The following FBN3 variants were observed in gnomAD, a reference collection of about 807,000 sequenced individuals.
FBN3 encodes the protein fibrillin 3, also known as fibrillin-3.
In FBN3, 234 loss-of-function variants were observed where a neutral mutation model predicts 330.1. The observed-to-expected ratio is 0.71, with a 90% CI of 0.64 to 0.79. The LOEUF is 0.79. FBN3 is among the 30% of genes least tolerant of loss of function. FBN3 has a pLI of 0.00. For missense variants in FBN3, 3,606 were observed against 3,886.9 expected (o/e 0.93, Z 1.92); for synonymous variants, 1,458 against 1,517.3 (o/e 0.96, Z 0.91).
intron 38 of FBN3, among the ~76,000 whole-genome samples, 162 bp downstream of exon 38, chr19:8,105,946 A>C (rs1001004204): frequency 9.9e-5 from 15 of 152,216 alleles, no homozygotes; most frequent in Non-Finnish European, 1.6e-4. Flanking sequence ...AACATCTTAA[A>C]GGCAGCAAGA....
intron 63 of FBN3, among the ~76,000 whole-genome samples, chr19:8,071,614 C>T (rs2081513030): frequency 6.9e-6 from 1 of 145,796 alleles, no homozygotes; most frequent in Non-Finnish European, 1.6e-5. Context: ...CTTAGGGCCC[C>T]ATTGGAACTA....
Position 8,084,054 on chromosome 19 carries a change from A to G in FBN3, c.7088-682T>C, listed in dbSNP as rs546825585. Among the ~76,000 whole-genome samples the G allele has an allele frequency of 2.1e-3, 319 of 151,810 alleles. 2 individuals are homozygous for G. The highest frequency in any genetic ancestry group is 0.017 in the Middle Eastern group (5 of 292). ...CCTGACCTCGTGATCTGCCCGCCTC[A>G]GCCTCCCAAAGTGCTGGGATTACAG... On this transcript the variant is annotated intron_variant, in intron 56 of 63. Coordinates refer to ENST00000600128, the MANE Select transcript of FBN3 (RefSeq NM_032447.5).
At chr19:8,079,948 G>T (rs2081736627) in intron 59 of FBN3, among the ~76,000 whole-genome samples, 1 of 152,104 alleles carries the variant, frequency 6.6e-6, no homozygotes, top group Admixed American at 6.6e-5. Context: ...GTGCTAGAAG[G>T]AAAGTTCCAT....
intron 47 of FBN3, among the ~76,000 whole-genome samples, chr19:8,092,231 C>T (rs1017589889): frequency 7.2e-5 from 11 of 151,792 alleles, no homozygotes; most frequent in African/African-American, 2.7e-4. Context: ...TCCAGCAATC[C>T]TACTACTGGG....
chr19:8,127,267 G>GC (rs1448203862), intron 18 of FBN3, among the ~76,000 whole-genome samples: 1 of 151,802 alleles, frequency 6.6e-6, no homozygotes, highest in Non-Finnish European at 1.5e-5. Context: ...CATGATGTTG[G>GC]CCAGGCTGGT....
intron 38 of FBN3, among the ~76,000 whole-genome samples, chr19:8,105,424 T>A (rs8100537): frequency 0.98 from 148,986 of 152,108 alleles, 73,033 homozygotes; most frequent in Middle Eastern, 1. Context: ...TGCCCAGCTA[T>A]TTTTTTAATT....
chr19:8,069,472 C>T (rs148623232), intron 63 of FBN3, among the ~76,000 whole-genome samples: 136 of 143,678 alleles, frequency 9.5e-4, no homozygotes, highest in African/African-American at 3.5e-3. Flanking sequence ...AAAGTTATTC[C>T]TGTTCCCCAG....
chr19:8,070,744 T>G (rs1417863004), intron 63 of FBN3, among the ~76,000 whole-genome samples: 1 of 152,122 alleles, frequency 6.6e-6, no homozygotes, highest in Non-Finnish European at 1.5e-5. Flanking sequence ...GCATCTAGGC[T>G]GGGTGCAGTG....
chr19:8,111,565 C>T (rs1005028726), intron 32 of FBN3, 83 bp downstream of exon 32: 14 of 1,417,226 alleles, frequency 9.9e-6, no homozygotes, highest in Middle Eastern at 1.8e-4. Flanking sequence ...GTCAGGAGGT[C>T]GAGTGACCAT....
intron 55 of FBN3, 54 bp downstream of exon 55, chr19:8,086,146 T>TG: frequency 7.0e-7 from 1 of 1,427,878 alleles, no homozygotes; most frequent in Non-Finnish European, 9.4e-7. Flanking sequence ...GGACAGGCAG[T>TG]GGGTGCCACA....
Position 8,100,992 on chromosome 19 carries a change from G to C in FBN3, c.5090-20C>G, listed in dbSNP as rs368561362. The C allele has an allele frequency of 3.1e-6, 5 of 1,607,152 alleles. No homozygotes were observed. Among genetic ancestry groups the C allele is most frequent in the Non-Finnish European group, 4.3e-6 (5 of 1,174,832 alleles). On this transcript the variant is annotated intron_variant, in intron 40 of 63. Transcript: ENST00000600128. ...AGTCAGCTGCGCAAAGGGGAACAAA[G>C]CTGAGTCTGGGGCTGCAGGCCTGAC...
rs1255088110 is a variant in FBN3, at chr19:8,088,157, G to A, written c.6399C>T (p.Gly2133=). ...NCVDTDECSV[G]HPCGQGTCTN... The stretch of plus-strand genomic sequence containing the variant: ...TGCATGTCCCTTGCCCACAGGGGTG[G>A]CCGACAGAGCACTCGTCTGTGTCTG... Residue 2133 remains glycine (G), a synonymous_variant, in exon 52 of 64, where the codon GGC becomes GGT. Transcript: ENST00000600128. 1 of 1,607,460 alleles carries A rather than the reference G, an allele frequency of 6.2e-7. No homozygotes were observed. Among genetic ancestry groups the A allele is most frequent in the South Asian group, 1.1e-5 (1 of 90,410 alleles).
rs535146303 is a variant in FBN3 at position 8,094,507 on chromosome 19, G to C, written c.5844C>G (p.Leu1948=). The C allele has an allele frequency of 2.5e-6, 4 of 1,613,916 alleles. No individual in the cohort carries two copies. In the South Asian group the frequency reaches 3.3e-5, roughly 13 times the overall value. Residue 1948 remains leucine (L), a synonymous_variant, in exon 47 of 64, where the codon CTC becomes CTG. Transcript: ENST00000600128. The stretch of plus-strand genomic sequence containing the variant: ...GACAGATGCAGCGGAAGGAGCCCTC[G>C]AGGTTCTGGCAAGTGCCGGGTAGGC... ...GTCLPGTCQN[L]EGSFRCICPP... is the part of the protein sequence containing the mutation.
intron 59 of FBN3, among the ~76,000 whole-genome samples, chr19:8,077,060 G>A (rs1172537759): frequency 2.0e-5 from 3 of 152,152 alleles, no homozygotes; most frequent in Admixed American, 6.5e-5. Context: ...CACTGCGCCC[G>A]GCCCAGTTTT....
chr19:8,110,133 G>A (rs1328718616), intron 34 of FBN3, among the ~76,000 whole-genome samples: 1 of 152,194 alleles, frequency 6.6e-6, no homozygotes, highest in Non-Finnish European at 1.5e-5. Flanking sequence ...ACGGCTCACT[G>A]CAGCCTCAAA....
rs780782981 is a variant in FBN3, at chr19:8,100,927, G to A, written c.5135C>T (p.Thr1712Ile). Residue 1712 changes from threonine to isoleucine, a missense_variant, in exon 41 of 64, where the codon ACT becomes ATT. Physicochemically the swap from Thr to Ile is moderately conservative, Grantham distance 89 (BLOSUM62 -1). Coordinates refer to ENST00000600128, the MANE Select transcript of FBN3 (RefSeq NM_032447.5). The stretch of plus-strand genomic sequence containing the variant: ...AAGGGGCTTCCCCGTGTGGATGTCA[G>A]TGAGGAATCCCGGGGCCTGATTTCC... Reference protein sequence around the residue: ...LCGNQAPGFLTDIHTGKPLDI... With the variant: ...LCGNQAPGFLIDIHTGKPLDI... 1 of 1,613,778 alleles carries A rather than the reference G, an allele frequency of 6.2e-7. No individual in the cohort carries two copies. Among genetic ancestry groups the A allele is most frequent in the African/African-American group, 1.3e-5 (1 of 74,910 alleles).
chr19:8,115,609 G>A lies in FBN3; in HGVS notation c.3744C>T (p.Ile1248=). The change falls in exon 30 of 64, where the codon ATC becomes ATT. Residue 1248 remains isoleucine (I), a synonymous_variant. Coordinates refer to ENST00000600128, the MANE Select transcript of FBN3 (RefSeq NM_032447.5). ...TGTTCTCGCAGTCCCCATGGAGGCA[G>A]ATGTGAGGGTTCAGGTCACACTCAT... The part of the protein sequence containing the change: ...DVDECDLNPH[I]CLHGDCENTK... 3.7e-6 allele frequency: 6 copies of A among 1,614,136 alleles called. No individual in the cohort carries two copies. The highest frequency in any genetic ancestry group is 5.1e-6 in the Non-Finnish European group (6 of 1,180,006).
At chr19:8,091,429 T>C (rs2082091882) in intron 48 of FBN3, 36 bp downstream of exon 48, 1 of 1,335,380 alleles carries the variant, frequency 7.5e-7, no homozygotes, top group Non-Finnish European at 1.1e-6. Context: ...CCCGCCCCAC[T>C]TCCCACCCTC....
At position 8,100,881 on chromosome 19, in the gene FBN3, A is replaced by G. The variant is rs753824083; in HGVS notation, c.5161+20T>C. ...CAGGTGGATGGGTGCCCAGGGATAG[A>G]GCAGGGACCACTCACTCACCAAGGG... On this transcript the variant is annotated intron_variant, in intron 41 of 63. Coordinates refer to ENST00000600128, the MANE Select transcript of FBN3 (RefSeq NM_032447.5). 1 of 1,610,226 alleles carries G rather than the reference A, an allele frequency of 6.2e-7. No homozygotes were observed. Among genetic ancestry groups the G allele is most frequent in the African/African-American group, 1.3e-5 (1 of 74,906 alleles).
Sources: allele counts gnomAD v4.1 joint callset (sites outside exome capture counted in the v4.1 genomes callset), GRCh38; gene constraint gnomAD v4.1.1; transcripts MANE v1.5; gene names NCBI Gene and HGNC (gene_info 2026-07-23, HGNC 2026-07-21).